Variants in TTC39C observed in about 807,000 individuals in gnomAD.
TTC39C encodes the protein tetratricopeptide repeat domain 39C, also known as tetratricopeptide repeat protein 39C.
TTC39C carries 33 observed loss-of-function variants against 76.3 expected under a neutral mutation model. The observed-to-expected ratio is 0.43, with a 90% CI of 0.33 to 0.58. TTC39C has a LOEUF of 0.58. TTC39C is among the 20% of genes least tolerant of loss of function. The pLI is 0.04. For synonymous variants in TTC39C, 254 were observed against 260.6 expected (o/e 0.97, Z 0.24); for missense variants, 595 against 701.4 (o/e 0.85, Z 1.71).
At chr18:24,010,382 C>T (rs1843841), upstream of TTC39C, among the ~76,000 whole-genome samples, 152,249 of 152,378 alleles carry the variant, frequency 1, 76,061 homozygotes, top group Middle Eastern at 1. Context: ...TCACTATGTA[C>T]GGAGAAATCT....
intron 13 of TTC39C, 64 bp from the exon 14 acceptor site, chr18:24,132,421 T>C (rs956513720): frequency 2.1e-6 from 3 of 1,441,882 alleles, no homozygotes; most frequent in African/African-American, 2.8e-5. Context: ...GTGTGCTTTA[T>C]ACCACAGTAC....
chr18:24,066,302 T>C (rs2084166058), intron 3 of TTC39C, among the ~76,000 whole-genome samples, 162 bp downstream of exon 3: 1 of 152,222 alleles, frequency 6.6e-6, no homozygotes, highest in Admixed American at 6.5e-5. Flanking sequence ...TGTTATCTCT[T>C]ATAAAAACAG....
At chr18:24,119,962 T>A (rs921437110) in intron 8 of TTC39C, among the ~76,000 whole-genome samples, 2 of 107,310 alleles carry the variant, frequency 1.9e-5, no homozygotes, top group African/African-American at 1.1e-4. Context: ...GGAACATTAA[T>A]TCCCCCCCCC....
intron 10 of TTC39C, 88 bp downstream of exon 10, chr18:24,125,638 C>T: frequency 6.5e-7 from 1 of 1,538,304 alleles, no homozygotes; most frequent in Non-Finnish European, 8.9e-7. Context: ...CCGTTTATTT[C>T]ATGTTTATCT....
At chr18:24,101,550 TCC>T (rs1307642643) in intron 6 of TTC39C, among the ~76,000 whole-genome samples, 1 of 82,270 alleles carries the variant, frequency 1.2e-5, no homozygotes, top group African/African-American at 4.1e-5. Context: ...AGAGCGAGAC[TCC>T]GTCTCAAAAA....
At chr18:24,107,033 T>C (rs2084752452) in intron 6 of TTC39C, among the ~76,000 whole-genome samples, 1 of 152,134 alleles carries the variant, frequency 6.6e-6, no homozygotes, top group Admixed American at 6.5e-5. Flanking sequence ...CCAAAAGAAC[T>C]CGGCCTTGTT....
At chr18:24,042,074 T>G (rs1477168553) in intron 1 of TTC39C, among the ~76,000 whole-genome samples, 1 of 152,228 alleles carries the variant, frequency 6.6e-6, no homozygotes. Context: ...TTTCACCCGA[T>G]TTTTAAGTTT....
intron 6 of TTC39C, among the ~76,000 whole-genome samples, chr18:24,093,964 G>A (rs1051019249): frequency 6.6e-6 from 1 of 152,144 alleles, no homozygotes; most frequent in Non-Finnish European, 1.5e-5. Context: ...TTACCCCGCC[G>A]ATTGACTCTT....
intron 5 of TTC39C, among the ~76,000 whole-genome samples, chr18:24,081,970 A>G (rs933589388): frequency 6.6e-6 from 1 of 151,964 alleles, no homozygotes; most frequent in East Asian, 1.9e-4. Context: ...ATGCATTTAC[A>G]TAAAAATATT....
chr18:24,116,440 G>T (rs1383513191), intron 7 of TTC39C, among the ~76,000 whole-genome samples: 1 of 152,174 alleles, frequency 6.6e-6, no homozygotes, highest in Non-Finnish European at 1.5e-5. Context: ...CTACTCAGCA[G>T]GCTGAGGCGG....
rs545820104 is a variant in TTC39C, at chr18:24,123,618, G to C, written c.1187-216G>C. ...GATGGGGTTTCGCCATGTTGGCCAG[G>C]CTGGTCTCGAATTCCTGACCTCAGG... is the stretch of plus-strand genomic sequence containing the variant. On this transcript the variant is annotated intron_variant, in intron 8 of 13. Coordinates refer to ENST00000317571, the MANE Select transcript of TTC39C (RefSeq NM_001135993.2). 7.6e-6 allele frequency: 3 copies of C among 397,040 alleles called. No individual in the cohort carries two copies. In the South Asian group the frequency reaches 1.4e-4, roughly 19 times the overall value. 24.6% of individuals were successfully genotyped at this position (397,040 alleles called of 1,614,324 possible). A position where few individuals can be genotyped will look rare whatever the true frequency, so the allele number is the denominator to read the frequency against.
intron 1 of TTC39C, among the ~76,000 whole-genome samples, chr18:24,028,118 A>G (rs188973299): frequency 8.5e-4 from 130 of 152,270 alleles, no homozygotes; most frequent in African/African-American, 2.8e-3. Context: ...GGAGCTAGAA[A>G]TTACTCCTCT....
At chr18:24,114,422 T>A (rs1487986915) in intron 6 of TTC39C, 132 bp from the exon 7 acceptor site, 8 of 661,956 alleles carry the variant, frequency 1.2e-5, no homozygotes, top group Non-Finnish European at 2.0e-5. Context: ...CTAGCAATCT[T>A]TAAACCACTG....
chr18:24,104,000 C>T (rs573706014), intron 6 of TTC39C, among the ~76,000 whole-genome samples: 124 of 151,142 alleles, frequency 8.2e-4, no homozygotes, highest in Middle Eastern at 3.4e-3. Flanking sequence ...GGTGCCATCT[C>T]GGCTCATTGC....
At chr18:24,015,144 C>T (rs1389045274) in intron 1 of TTC39C, 106 bp downstream of exon 1, 2 of 1,101,376 alleles carry the variant, frequency 1.8e-6, no homozygotes, top group Non-Finnish European at 1.2e-6. Flanking sequence ...TCCTGTCGGT[C>T]ACCGATTCCG....
At chr18:24,009,982 A>G (rs1379287648), upstream of TTC39C, among the ~76,000 whole-genome samples, 2 of 152,366 alleles carry the variant, frequency 1.3e-5, no homozygotes, top group East Asian at 1.9e-4. Context: ...CTGGTCCACA[A>G]CTATGTTCCC....
chr18:24,103,443 T>C (rs2084703544), intron 6 of TTC39C, among the ~76,000 whole-genome samples: 1 of 152,196 alleles, frequency 6.6e-6, no homozygotes, highest in Non-Finnish European at 1.5e-5. Context: ...TGAAAATCTG[T>C]GTGTAATTCA....
chr18:24,062,414 G>A (rs570270699), intron 1 of TTC39C, among the ~76,000 whole-genome samples: 1 of 152,214 alleles, frequency 6.6e-6, no homozygotes, highest in Non-Finnish European at 1.5e-5. Flanking sequence ...CACCTGCTAT[G>A]TGTGTAAGGT....
intron 4 of TTC39C, among the ~76,000 whole-genome samples, chr18:24,075,700 A>C (rs373599169): frequency 0.067 from 10,076 of 150,966 alleles, 839 homozygotes; most frequent in African/African-American, 0.2. Flanking sequence ...AAAAAAAAAA[A>C]AAACAAAAAA....
Sources: allele counts gnomAD v4.1 joint callset (sites outside exome capture counted in the v4.1 genomes callset), GRCh38; gene constraint gnomAD v4.1.1; transcripts MANE v1.5; gene names NCBI Gene and HGNC (gene_info 2026-07-23, HGNC 2026-07-21).